Variants in DHX9 observed in about 807,000 individuals in gnomAD.
DHX9 encodes DExH-box helicase 9.
DHX9 carries 27 observed loss-of-function variants against 148.7 expected under a neutral mutation model. That is an observed-to-expected ratio of 0.18 (90% CI 0.13 to 0.25). The LOEUF is 0.25. DHX9 is among the 10% of genes least tolerant of loss of function. The probability of loss-of-function intolerance (pLI) is 1.00; values close to 1 mark genes in which losing one functional copy is unlikely to be tolerated. For missense variants in DHX9, 796 were observed against 1,559.6 expected (o/e 0.51, Z 8.25); for synonymous variants, 529 against 516.6 (o/e 1.02, Z -0.33).
At position 182,843,288 on chromosome 1, in the gene DHX9, TTA is replaced by T. The variant is rs1491441879; in HGVS notation, c.112-5_112-4del. 13 of 1,553,222 alleles carry T rather than the reference TTA, an allele frequency of 8.4e-6. No homozygotes were observed. The highest frequency in any genetic ancestry group is 4.5e-5 in the Admixed American group (2 of 44,328). ...AGTCTCTTAGTACTTTTTTTTTTTT[TTA>T]AAGGTTCAGGTGGAAGGTTATAATT... On this transcript the variant is annotated splice_polypyrimidine_tract_variant and splice_region_variant and intron_variant, in intron 2 of 27. Coordinates refer to ENST00000367549, the MANE Select transcript of DHX9 (RefSeq NM_001357.5).
intron 21 of DHX9, among the ~76,000 whole-genome samples, chr1:182,880,165 T>TA (rs1241087028): frequency 2.0e-5 from 3 of 152,228 alleles, no homozygotes; most frequent in Non-Finnish European, 2.9e-5. Context: ...TTATTTTTTT[T>TA]AAAACATTAA....
chr1:182,863,403 G>GT, intron 12 of DHX9, among the ~76,000 whole-genome samples: 1 of 152,190 alleles, frequency 6.6e-6, no homozygotes, highest in Middle Eastern at 3.4e-3. Context: ...TGCTGCCATG[G>GT]TTTTTACTGT....
In DHX9 at chr1:182,858,571, C is replaced by T. The variant is rs750793521; in HGVS notation, c.831C>T (p.Asn277=). ...CATAGGTGGAGCCTTACAAAGTAAA[C>T]CTCTCTCAAGATTTAGAGCATCAGC... ...EGETVEPYKV[N]LSQDLEHQLQ... Residue 277 remains asparagine, a synonymous_variant, in exon 9 of 28, where the codon AAC becomes AAT. Coordinates refer to ENST00000367549, the MANE Select transcript of DHX9 (RefSeq NM_001357.5). 7 of 1,610,252 alleles carry T rather than the reference C, an allele frequency of 4.3e-6. No homozygotes were observed. Among genetic ancestry groups the T allele is most frequent in the Non-Finnish European group, 5.9e-6 (7 of 1,177,888 alleles).
At chr1:182,850,831 C>A (rs1462571450) in intron 3 of DHX9, among the ~76,000 whole-genome samples, 5 of 152,172 alleles carry the variant, frequency 3.3e-5, no homozygotes, top group Admixed American at 2.0e-4. Flanking sequence ...CACTGTGACA[C>A]TTTCAATACT....
At position 182,856,512 on chromosome 1, in the gene DHX9, G is replaced by C; in HGVS notation, c.627-20G>C. On this transcript the variant is annotated intron_variant, in intron 6 of 27. Coordinates refer to ENST00000367549, the MANE Select transcript of DHX9 (RefSeq NM_001357.5). ...TTCTAACAGTGAAATTTCTAACCTT[G>C]CTTGTATATGTTGTTACAGGAGCTT... 1 of 1,611,986 alleles carries C rather than the reference G, an allele frequency of 6.2e-7. No homozygotes were observed. Among genetic ancestry groups the C allele is most frequent in the Non-Finnish European group, 8.5e-7 (1 of 1,178,596 alleles).
At chr1:182,859,820 C>T (rs1044520368) in intron 11 of DHX9, among the ~76,000 whole-genome samples, 173 bp from the exon 12 acceptor site, 1 of 152,168 alleles carries the variant, frequency 6.6e-6, no homozygotes, top group African/African-American at 2.4e-5. Flanking sequence ...ACCATGTTGG[C>T]TAGGCTGGTC....
rs370858223 is a variant in DHX9 at position 182,872,348 on chromosome 1, T to C, written c.1569T>C (p.Leu523=). 1 of 1,604,032 alleles carries C rather than the reference T, an allele frequency of 6.2e-7. No homozygotes were observed. Among genetic ancestry groups the C allele is most frequent in the Non-Finnish European group, 8.5e-7 (1 of 1,176,898 alleles). ...TTGTTTTTTAATAGACTGACTTCCT[T>C]TTGGTAGTACTGCGTGATGTTGTTC... is the stretch of plus-strand genomic sequence containing the variant. ...IHERDINTDF[L]LVVLRDVVQA... The change falls in exon 15 of 28, where the codon CTT becomes CTC. Residue 523 remains leucine, a synonymous_variant. Coordinates refer to ENST00000367549, the MANE Select transcript of DHX9 (RefSeq NM_001357.5).
chr1:182,878,474 C>T (rs532886726), intron 20 of DHX9, among the ~76,000 whole-genome samples: 1 of 152,338 alleles, frequency 6.6e-6, no homozygotes, highest in African/African-American at 2.4e-5. Flanking sequence ...TACTTAACCT[C>T]TCTTGTTTCC....
chr1:182,849,885 A>G (rs1292775509), intron 3 of DHX9, among the ~76,000 whole-genome samples: 2 of 151,684 alleles, frequency 1.3e-5, no homozygotes, highest in Admixed American at 6.6e-5. Flanking sequence ...GTGATGTGTC[A>G]CAAATATTTT....
chr1:182,844,687 A>G (rs1023343874), intron 3 of DHX9, among the ~76,000 whole-genome samples: 1 of 152,110 alleles, frequency 6.6e-6, no homozygotes, highest in African/African-American at 2.4e-5. Context: ...GCACCTGCCA[A>G]CATGCCCAGC....
intron 12 of DHX9, among the ~76,000 whole-genome samples, chr1:182,863,182 A>G (rs1000502648): frequency 1.3e-5 from 2 of 152,200 alleles, no homozygotes; most frequent in African/African-American, 4.8e-5. Flanking sequence ...TTTATTTTTA[A>G]CATATTTAGT....
intron 3 of DHX9, among the ~76,000 whole-genome samples, chr1:182,848,667 A>G (rs574040084): frequency 6.6e-6 from 1 of 152,362 alleles, no homozygotes; most frequent in Admixed American, 6.5e-5. Context: ...TTATTAGTCC[A>G]TTCTTGCATT....
chr1:182,862,386 C>T (rs557742448), intron 12 of DHX9, among the ~76,000 whole-genome samples: 168 of 152,280 alleles, frequency 1.1e-3, no homozygotes, highest in South Asian at 3.9e-3. Flanking sequence ...CACTTAAAAC[C>T]TGTGGGCTGT....
chr1:182,843,591 A>G (rs1159296987), intron 3 of DHX9, among the ~76,000 whole-genome samples, 157 bp downstream of exon 3: 1 of 152,172 alleles, frequency 6.6e-6, no homozygotes, highest in Non-Finnish European at 1.5e-5. Context: ...ACTGGACAAA[A>G]TTTCTGAAGA....
chr1:182,853,915 C>T lies in DHX9; in HGVS notation c.478-115C>T. 4 of 951,586 alleles carry T rather than the reference C, an allele frequency of 4.2e-6. No homozygotes were observed. The South Asian group carries it at 8.7e-5, about 21-fold the overall frequency. The allele number at this position is 951,586 out of a possible 1,614,324, so 58.9% of individuals were successfully genotyped here. A position where few individuals can be genotyped will look rare whatever the true frequency, so the allele number is the denominator to read the frequency against. On this transcript the variant is annotated intron_variant, in intron 5 of 27. Transcript: ENST00000367549. ...GTTTTTGACTAGGATTATAAACTAT[C>T]AAAAACAGCTTTTGCATTATAAAGG...
chr1:182,855,806 G>A, intron 6 of DHX9: 1 of 901,380 alleles, frequency 1.1e-6, no homozygotes, highest in African/African-American at 1.8e-5. Context: ...GTCTAGGTTA[G>A]AATGTATCTG....
intron 6 of DHX9, chr1:182,855,541 T>C: frequency 1.0e-6 from 1 of 985,438 alleles, no homozygotes; most frequent in Non-Finnish European, 1.2e-6. Flanking sequence ...TGGGAAACTA[T>C]TGTAAACTGA....
chr1:182,873,189 C>T (rs1312692025), intron 15 of DHX9, among the ~76,000 whole-genome samples: 1 of 152,200 alleles, frequency 6.6e-6, no homozygotes, highest in Admixed American at 6.5e-5. Flanking sequence ...CTCATGGACT[C>T]AAGCAGTCAG....
At chr1:182,855,514 T>A (rs969166031) in intron 6 of DHX9, 2 of 973,920 alleles carry the variant, frequency 2.1e-6, no homozygotes, top group Non-Finnish European at 2.4e-6. Flanking sequence ...CTGCTTAGGC[T>A]GAACTAAGCA....
Sources: gnomAD v4.1 joint callset for allele counts (sites outside exome capture counted in the v4.1 genomes callset) on GRCh38, gnomAD v4.1.1 for gene constraint, MANE v1.5 for transcripts, NCBI Gene and HGNC (gene_info 2026-07-23, HGNC 2026-07-21) for gene names.